Variants in PPM1E observed in about 807,000 individuals in gnomAD.
PPM1E encodes the protein protein phosphatase 1E.
A neutral mutation model predicts 65.9 loss-of-function variants in PPM1E; 20 were observed. The ratio of observed to expected loss-of-function variants is 0.30; its 90% confidence interval spans 0.21 to 0.44. The LOEUF is 0.44. Among genes scored for constraint, PPM1E ranks in the 20% least tolerant of loss-of-function variants. The pLI, the probability that PPM1E is intolerant of heterozygous loss-of-function variation, is 1.00. For synonymous variants in PPM1E, 352 were observed against 374.9 expected (o/e 0.94, Z 0.70); for missense variants, 713 against 953.1 (o/e 0.75, Z 3.32).
At chr17:58,904,255 C>A (rs1370409482) in intron 1 of PPM1E, among the ~76,000 whole-genome samples, 1 of 151,976 alleles carries the variant, frequency 6.6e-6, no homozygotes, top group Non-Finnish European at 1.5e-5. Context: ...TCTTTATTTG[C>A]CAGATGAAGA....
At chr17:58,757,225 AG>A (rs2049777685) in intron 1 of PPM1E, among the ~76,000 whole-genome samples, 1 of 152,172 alleles carries the variant, frequency 6.6e-6, no homozygotes, top group African/African-American at 2.4e-5. Context: ...AAAGTGGAAA[AG>A]TCAGGCTGTT....
intron 1 of PPM1E, among the ~76,000 whole-genome samples, chr17:58,816,561 C>A (rs867343299): frequency 6.6e-6 from 1 of 150,746 alleles, no homozygotes; most frequent in African/African-American, 2.4e-5. Context: ...TTCCTTCCCC[C>A]ATCCCCTGCC....
intron 1 of PPM1E, among the ~76,000 whole-genome samples, chr17:58,765,883 T>C (rs1462091568): frequency 6.7e-6 from 1 of 149,918 alleles, no homozygotes; most frequent in Non-Finnish European, 1.5e-5. Flanking sequence ...GTTTCTTTTT[T>C]TTTTTTTTTT....
At chr17:58,827,990 G>A (rs2050559719) in intron 1 of PPM1E, among the ~76,000 whole-genome samples, 1 of 151,258 alleles carries the variant, frequency 6.6e-6, no homozygotes, top group South Asian at 2.1e-4. Flanking sequence ...AGGTTGAGGT[G>A]GGCAGATCAC....
At chr17:58,935,808 TTC>T (rs1216079745) in intron 1 of PPM1E, among the ~76,000 whole-genome samples, 1 of 152,174 alleles carries the variant, frequency 6.6e-6, no homozygotes, top group East Asian at 1.9e-4. Context: ...GGAATGAGAT[TTC>T]TTTTTTTTTT....
chr17:58,813,480 A>T (rs2050389331), intron 1 of PPM1E, among the ~76,000 whole-genome samples: 1 of 152,154 alleles, frequency 6.6e-6, no homozygotes, highest in Non-Finnish European at 1.5e-5. Flanking sequence ...TCCCAATGAA[A>T]ACAGATAAAG....
chr17:58,943,875 A>G (rs1489292188), intron 1 of PPM1E, among the ~76,000 whole-genome samples: 1 of 152,146 alleles, frequency 6.6e-6, no homozygotes, highest in East Asian at 1.9e-4. Context: ...TTGTTTATAT[A>G]TACCCTGAGC....
At chr17:58,880,699 C>T (rs1261434741) in intron 1 of PPM1E, among the ~76,000 whole-genome samples, 2 of 152,154 alleles carry the variant, frequency 1.3e-5, no homozygotes, top group Non-Finnish European at 2.9e-5. Context: ...TCTCGGCTCA[C>T]TGCAGCCTCG....
chr17:58,866,088 A>C (rs1247480869), intron 1 of PPM1E, among the ~76,000 whole-genome samples: 1 of 152,210 alleles, frequency 6.6e-6, no homozygotes, highest in Admixed American at 6.5e-5. Context: ...TTTCACAAAG[A>C]GTGTCTAAAT....
At chr17:58,827,248 C>T (rs2050547707) in intron 1 of PPM1E, among the ~76,000 whole-genome samples, 1 of 145,958 alleles carries the variant, frequency 6.9e-6, no homozygotes, top group African/African-American at 2.5e-5. Context: ...AGCGATTCTC[C>T]TGCCGCAGCC....
At chr17:58,978,411 G>T (rs2031152954) in intron 6 of PPM1E, among the ~76,000 whole-genome samples, 1 of 151,934 alleles carries the variant, frequency 6.6e-6, no homozygotes, top group Admixed American at 6.6e-5. Context: ...TTATTTTTTT[G>T]TAAAGAAGTG....
At chr17:58,928,003 C>T (rs1217190027) in intron 1 of PPM1E, among the ~76,000 whole-genome samples, 2 of 151,464 alleles carry the variant, frequency 1.3e-5, no homozygotes, top group African/African-American at 2.4e-5. Flanking sequence ...GAGGTTGCAG[C>T]GAGCCAGGAT....
At chr17:58,957,153 C>A (rs1188401103) in intron 2 of PPM1E, among the ~76,000 whole-genome samples, 1 of 152,146 alleles carries the variant, frequency 6.6e-6, no homozygotes, top group Admixed American at 6.5e-5. Flanking sequence ...AACTCCAGCT[C>A]AGAACAATGA....
chr17:58,807,986 A>T (rs2050331208), intron 1 of PPM1E, among the ~76,000 whole-genome samples: 1 of 152,212 alleles, frequency 6.6e-6, no homozygotes, highest in African/African-American at 2.4e-5. Flanking sequence ...TTTTGGTATT[A>T]CCTGGTAAAA....
chr17:58,954,164 T>C (rs1235211060), intron 1 of PPM1E, among the ~76,000 whole-genome samples: 1 of 152,244 alleles, frequency 6.6e-6, no homozygotes, highest in African/African-American at 2.4e-5. Flanking sequence ...ATTCACCTAG[T>C]TGCTCAGACC....
intron 1 of PPM1E, among the ~76,000 whole-genome samples, chr17:58,770,096 TAA>T (rs2049921817): frequency 6.6e-6 from 1 of 152,120 alleles, no homozygotes; most frequent in Admixed American, 6.6e-5. Context: ...ACTTGTATTC[TAA>T]AAGAGTCATG....
intron 1 of PPM1E, among the ~76,000 whole-genome samples, chr17:58,829,972 A>G (rs1030125921): frequency 5.3e-5 from 8 of 152,088 alleles, no homozygotes; most frequent in African/African-American, 1.9e-4. Flanking sequence ...CTTAAGACCC[A>G]GAGTTTGAGG....
Position 58,755,894 on chromosome 17 carries a change from G to T in PPM1E, c.-104G>T. ...AGTGCTGATCGCTCGTGCCGGTGCG[G>T]CCGTTAACCGCCCTTGCCGGAGCCC... On this transcript the variant is annotated 5_prime_UTR_variant, in exon 1 of 7. Coordinates refer to ENST00000308249, the MANE Select transcript of PPM1E (RefSeq NM_014906.5). The T allele has an allele frequency of 6.5e-7, 1 of 1,534,274 alleles. No homozygotes were observed. The highest frequency in any genetic ancestry group is 1.3e-5 in the South Asian group (1 of 77,874).
chr17:58,916,214 G>C (rs1182294456), intron 1 of PPM1E, among the ~76,000 whole-genome samples: 1 of 152,198 alleles, frequency 6.6e-6, no homozygotes, highest in Non-Finnish European at 1.5e-5. Context: ...CAAGTAAGCT[G>C]CTATTAGCTG....
Sources: gnomAD v4.1 joint callset for allele counts (sites outside exome capture counted in the v4.1 genomes callset) on GRCh38, gnomAD v4.1.1 for gene constraint, MANE v1.5 for transcripts, NCBI Gene and HGNC (gene_info 2026-07-23, HGNC 2026-07-21) for gene names.